Variants in KCNQ3 observed in about 807,000 individuals in gnomAD.
The protein encoded by KCNQ3 is potassium voltage-gated channel subfamily Q member 3.
A neutral mutation model predicts 92.5 loss-of-function variants in KCNQ3; 30 were observed. The ratio of observed to expected loss-of-function variants is 0.32; its 90% CI spans 0.24 to 0.44. The LOEUF (loss-of-function observed/expected upper bound fraction) is 0.44. KCNQ3 is among the 20% of genes least tolerant of loss of function. The probability of loss-of-function intolerance (pLI) is 1.00; values close to 1 mark genes in which losing one functional copy is unlikely to be tolerated. For missense variants in KCNQ3, 913 were observed against 1,140.3 expected (o/e 0.80, Z 2.87); for synonymous variants, 450 against 468.8 (o/e 0.96, Z 0.52).
At chr8:132,446,467 C>T (rs182668214) in intron 1 of KCNQ3, among the ~76,000 whole-genome samples, 1 of 152,290 alleles carries the variant, frequency 6.6e-6, no homozygotes, top group East Asian at 1.9e-4. Flanking sequence ...TAAGCAAACT[C>T]CCTCCTTCCC....
At chr8:132,228,183 T>G (rs1280098973) in intron 1 of KCNQ3, among the ~76,000 whole-genome samples, 1 of 152,212 alleles carries the variant, frequency 6.6e-6, no homozygotes, top group Non-Finnish European at 1.5e-5. Flanking sequence ...TGGGTAAACT[T>G]TCTTGATTTA....
At chr8:132,195,946 G>A (rs909447218) in intron 1 of KCNQ3, among the ~76,000 whole-genome samples, 2 of 152,094 alleles carry the variant, frequency 1.3e-5, no homozygotes, top group Non-Finnish European at 2.9e-5. Flanking sequence ...ATTGATGAAA[G>A]GGTCAATCCA....
At chr8:132,145,016 C>T (rs1019033188) in intron 9 of KCNQ3, among the ~76,000 whole-genome samples, 6 of 152,178 alleles carry the variant, frequency 3.9e-5, no homozygotes, top group Non-Finnish European at 7.4e-5. Context: ...AGCCAGGGCA[C>T]ATTTGGCCAT....
intron 1 of KCNQ3, among the ~76,000 whole-genome samples, chr8:132,277,655 C>T (rs746507824): frequency 6.6e-6 from 1 of 152,148 alleles, no homozygotes; most frequent in Non-Finnish European, 1.5e-5. Context: ...GAACACCCTG[C>T]TAAGAAGCCC....
intron 1 of KCNQ3, among the ~76,000 whole-genome samples, chr8:132,221,437 G>A (rs1814234129): frequency 1.3e-5 from 2 of 152,220 alleles, no homozygotes; most frequent in East Asian, 1.9e-4. Flanking sequence ...CACCAACAGT[G>A]TAAAAGTGTT....
intron 1 of KCNQ3, among the ~76,000 whole-genome samples, chr8:132,367,344 T>G (rs1172528312): frequency 6.6e-6 from 1 of 152,216 alleles, no homozygotes; most frequent in Non-Finnish European, 1.5e-5. Context: ...CACATGGGTG[T>G]ATAAAGAGCT....
chr8:132,184,457 C>A, intron 2 of KCNQ3, 90 bp from the exon 3 acceptor site: 1 of 1,500,838 alleles, frequency 6.7e-7, no homozygotes, highest in South Asian at 1.1e-5. Context: ...CTGAAGAACT[C>A]CATTTTGTGC....
At chr8:132,365,095 GTTGT>G (rs1213500118) in intron 1 of KCNQ3, among the ~76,000 whole-genome samples, 4 of 152,152 alleles carry the variant, frequency 2.6e-5, no homozygotes, top group Non-Finnish European at 4.4e-5. Context: ...TGCCTGTGCT[GTTGT>G]TTGTTTATTC....
At chr8:132,218,421 CTATGCTATAA>C (rs1814113330) in intron 1 of KCNQ3, among the ~76,000 whole-genome samples, 1 of 152,182 alleles carries the variant, frequency 6.6e-6, no homozygotes, top group South Asian at 2.1e-4. Context: ...GTGAATGCTC[CTATGCTATAA>C]TTCTAACCAC....
chr8:132,175,355 G>T, intron 5 of KCNQ3, 98 bp downstream of exon 5: 3 of 1,360,212 alleles, frequency 2.2e-6, no homozygotes, highest in Non-Finnish European at 3.2e-6. Context: ...ACTGCAGAAT[G>T]CAGCTGCCTG....
intron 1 of KCNQ3, among the ~76,000 whole-genome samples, chr8:132,202,636 C>T (rs570895385): frequency 6.6e-6 from 1 of 152,268 alleles, no homozygotes; most frequent in African/African-American, 2.4e-5. Flanking sequence ...CACAGTTTAG[C>T]CAAGTTCTTT....
At chr8:132,215,002 C>A (rs942359511) in intron 1 of KCNQ3, among the ~76,000 whole-genome samples, 2 of 152,266 alleles carry the variant, frequency 1.3e-5, no homozygotes, top group Non-Finnish European at 2.9e-5. Flanking sequence ...CATGTGATCA[C>A]TTCCAAATGT....
At chr8:132,398,418 CTTTTAT>C (rs1023026149) in intron 1 of KCNQ3, among the ~76,000 whole-genome samples, 5 of 152,076 alleles carry the variant, frequency 3.3e-5, no homozygotes, top group African/African-American at 1.2e-4. Context: ...CTTACACTGG[CTTTTAT>C]TTTTAAGTGG....
At chr8:132,365,739 T>G (rs1434682671) in intron 1 of KCNQ3, among the ~76,000 whole-genome samples, 1 of 152,212 alleles carries the variant, frequency 6.6e-6, no homozygotes, top group Non-Finnish European at 1.5e-5. Context: ...GTTTAAAAAG[T>G]ACCACTATGG....
chr8:132,297,824 G>T (rs779485921), intron 1 of KCNQ3, among the ~76,000 whole-genome samples: 3 of 152,182 alleles, frequency 2.0e-5, no homozygotes, highest in Non-Finnish European at 4.4e-5. Context: ...CGGAACTCAT[G>T]TATCAGTTCC....
At position 132,186,907 on chromosome 8, in the gene KCNQ3, CGTGTGTGT is replaced by C. The variant is rs145871547; in HGVS notation, c.387-734_387-727del. 2.3e-3 allele frequency among the ~76,000 whole-genome samples: 258 copies of C among 111,468 alleles called. 1 individual carries two copies. The highest frequency in any genetic ancestry group is 9.3e-3 in the African/African-American group (242 of 26,082). The allele number at this position is 111,468 out of a possible 152,430, so 73.1% of individuals were successfully genotyped here. On this transcript the variant is annotated intron_variant, in intron 1 of 14. Transcript: ENST00000388996. ...TGTTATCTTTATAAACTGTGAGGTG[CGTGTGTGT>C]GTGTGTGTGTGTGTGTGTGAGAGAG...
intron 1 of KCNQ3, among the ~76,000 whole-genome samples, chr8:132,443,786 C>A (rs906517065): frequency 6.8e-6 from 1 of 147,218 alleles, no homozygotes; most frequent in African/African-American, 2.5e-5. Context: ...TCCAGGAGCC[C>A]TGAGTTCAGG....
At chr8:132,429,587 G>A (rs1308209867) in intron 1 of KCNQ3, among the ~76,000 whole-genome samples, 2 of 152,160 alleles carry the variant, frequency 1.3e-5, no homozygotes, top group African/African-American at 2.4e-5. Context: ...CTGGCTGGGT[G>A]CAGTGGCTCA....
chr8:132,227,323 G>C (rs142036493), intron 1 of KCNQ3, among the ~76,000 whole-genome samples: 97 of 152,236 alleles, frequency 6.4e-4, no homozygotes, highest in African/African-American at 2.3e-3. Flanking sequence ...GCCTCCCAAA[G>C]TGTTGAGATT....
Sources: gnomAD v4.1 joint callset for allele counts (sites outside exome capture counted in the v4.1 genomes callset) on GRCh38, gnomAD v4.1.1 for gene constraint, MANE v1.5 for transcripts, NCBI Gene and HGNC (gene_info 2026-07-23, HGNC 2026-07-21) for gene names.